Variants in ATP2A3 observed in about 807,000 individuals in gnomAD.
ATP2A3 encodes ATPase sarcoplasmic/endoplasmic reticulum Ca2+ transporting 3.
In ATP2A3, 61 loss-of-function variants were observed where a neutral mutation model predicts 106.8. The ratio of observed to expected loss-of-function variants is 0.57; its 90% confidence interval spans 0.46 to 0.71. The LOEUF is 0.71. Among genes scored for constraint, ATP2A3 ranks in the 30% least tolerant of loss-of-function variants. The pLI, the probability that ATP2A3 is intolerant of heterozygous loss-of-function variation, is 0.00. For missense variants in ATP2A3, 1,201 were observed against 1,423.5 expected, an observed-to-expected ratio of 0.84 and a Z score of 2.52; for synonymous variants, 611 against 609.3, an observed-to-expected ratio of 1.00 and a Z score of -0.04.
intron 1 of ATP2A3, among the ~76,000 whole-genome samples, chr17:3,954,149 C>A (rs1439752590): frequency 6.6e-6 from 1 of 152,108 alleles, no homozygotes; most frequent in East Asian, 1.9e-4. Context: ...TCTCTGCCAC[C>A]CCCACAGCAA....
At position 3,943,540 on chromosome 17, in the gene ATP2A3, G is replaced by T. The variant is rs771590714; in HGVS notation, c.1288-18C>A. On this transcript the variant is annotated intron_variant, in intron 10 of 20. Transcript: ENST00000397041. ...CCCTTGGCCTGGCAAGGACCCAGGG[G>T]ATAGGGAGTGAGGGGCAGGCAGCCT... 3 of 1,613,844 alleles carry T rather than the reference G, an allele frequency of 1.9e-6. No individual in the cohort carries two copies. The Admixed American group carries it at 5.0e-5, about 27-fold the overall frequency.
chr17:3,929,179 G>A lies in ATP2A3; in HGVS notation c.2862+149C>T. ...AGGTCTGGGAGCTCCTGAAGGTGGG[G>A]CCACAGCTGGAGGTGGTGGCTGGCC... On this transcript the variant is annotated intron_variant, in intron 19 of 20. Transcript: ENST00000397041. The surrounding 1 kb of genome is among the most constrained non-coding windows in gnomAD (Gnocchi z 4.3). The A allele has an allele frequency of 2.8e-6, 2 of 722,074 alleles. No individual in the cohort carries two copies. Among genetic ancestry groups the A allele is most frequent in the Non-Finnish European group, 4.5e-6 (2 of 441,286 alleles). The allele number at this position is 722,074 out of a possible 1,614,324, so 44.7% of individuals were successfully genotyped here. A position where few individuals can be genotyped will look rare whatever the true frequency, so the allele number is the denominator to read the frequency against.
chr17:3,964,059 T>C lies in ATP2A3; in HGVS notation c.118+115A>G, dbSNP rs1373353183. 13 of 494,860 alleles carry C rather than the reference T, an allele frequency of 2.6e-5. No individual in the cohort carries two copies. The South Asian group carries it at 3.5e-4, about 13-fold the overall frequency. The allele number at this position is 494,860 out of a possible 1,614,324, so 30.7% of individuals were successfully genotyped here. On this transcript the variant is annotated intron_variant, in intron 1 of 20. Transcript: ENST00000397041. ...GTGCCCCAGGAGCATCCGAAGAGGT[T>C]TCCGGAGCCCTCGCTTCCTGCCCGC...
rs1056141853 is a variant in ATP2A3, at chr17:3,945,287, G to A, written c.1096-139C>T. ...CGGCCTGGCCGTCCGTGCCCACCAGGAGGGAAATAGAACGCAGGGTCCAGG... is the reference window on the plus strand; with the variant it reads ...CGGCCTGGCCGTCCGTGCCCACCAGAAGGGAAATAGAACGCAGGGTCCAGG... On this transcript the variant is annotated intron_variant, in intron 8 of 20. Transcript: ENST00000397041. 5.7e-6 allele frequency: 4 copies of A among 697,478 alleles called. No individual in the cohort carries two copies. The Admixed American group carries it at 1.1e-4, about 20-fold the overall frequency. 43.2% of individuals were successfully genotyped at this position (697,478 alleles called of 1,614,324 possible). A position where few individuals can be genotyped will look rare whatever the true frequency, so the allele number is the denominator to read the frequency against.
chr17:3,938,383 G>C (rs8078227), intron 14 of ATP2A3, among the ~76,000 whole-genome samples: 1 of 151,296 alleles, frequency 6.6e-6, no homozygotes, highest in Non-Finnish European at 1.5e-5. Context: ...GCAGTGAGCC[G>C]AGACTGCACT....
At chr17:3,940,026 C>T (rs1441893640) in intron 14 of ATP2A3, among the ~76,000 whole-genome samples, 1 of 130,026 alleles carries the variant, frequency 7.7e-6, no homozygotes, top group Non-Finnish European at 1.5e-5. Context: ...GGTAATGTGT[C>T]ATATCTTTTT....
chr17:3,952,111 G>A (rs1353665734), intron 3 of ATP2A3, among the ~76,000 whole-genome samples: 1 of 152,230 alleles, frequency 6.6e-6, no homozygotes, highest in African/African-American at 2.4e-5. Flanking sequence ...TTGAGACAGA[G>A]TCTTGCTCTG....
At chr17:3,951,725 G>A (rs201359656) in intron 3 of ATP2A3, 40 bp from the exon 4 acceptor site, 4 of 1,552,392 alleles carry the variant, frequency 2.6e-6, no homozygotes, top group African/African-American at 2.7e-5. Context: ...CCTGCTGCGG[G>A]CCGAGATCTG....
In ATP2A3 at chr17:3,928,278, C is replaced by T; in HGVS notation, c.2980+385G>A. The T allele has an allele frequency of 6.2e-7, 1 of 1,613,390 alleles. No individual in the cohort carries two copies. The highest frequency in any genetic ancestry group is 8.5e-7 in the Non-Finnish European group (1 of 1,180,040). On this transcript the variant is annotated intron_variant, in intron 20 of 20. Transcript: ENST00000397041. The surrounding 1 kb of genome is among the most constrained non-coding windows in gnomAD (Gnocchi z 6.1). The stretch of plus-strand genomic sequence containing the variant: ...GGGTCCAAGAGGTGGTCAGCGGCTG[C>T]CTACTCCAGGCCTGCGAGACTGTCC...
At position 3,929,841 on chromosome 17, in the gene ATP2A3, C is replaced by A. The variant is rs1398342020; in HGVS notation, c.2745-396G>T. 6.6e-6 allele frequency among the ~76,000 whole-genome samples: 1 copy of A among 151,376 alleles called. No individual in the cohort carries two copies. Among genetic ancestry groups the A allele is most frequent in the East Asian group, 1.9e-4 (1 of 5,184 alleles). Reference sequence around the variant, plus strand: ...CTTTGTTCTGGACCCCTCTAACTCCCAGACCTCAGTCCTGGACTCCCCTGA... The same window carrying A: ...CTTTGTTCTGGACCCCTCTAACTCCAAGACCTCAGTCCTGGACTCCCCTGA... On this transcript the variant is annotated intron_variant, in intron 18 of 20. Transcript: ENST00000397041. The surrounding 1 kb of genome is among the most constrained non-coding windows in gnomAD (Gnocchi z 4.3).
In ATP2A3 at chr17:3,954,328, C is replaced by T. The variant is rs546379380; in HGVS notation, c.119-618G>A. 2.2e-3 allele frequency among the ~76,000 whole-genome samples: 331 copies of T among 152,124 alleles called. 2 individuals carry two copies. Among genetic ancestry groups the T allele is most frequent in the Non-Finnish European group, 3.6e-3 (247 of 67,972 alleles). On this transcript the variant is annotated intron_variant, in intron 1 of 20. Transcript: ENST00000397041. ...CTGGACAGGACCCCAGCAGCCAGCA[C>T]CCCGCAGTGAGGATCCCTCCCATGG...
chr17:3,930,719 G>T lies in ATP2A3; in HGVS notation c.2611-285C>A. On this transcript the variant is annotated intron_variant, in intron 17 of 20. Transcript: ENST00000397041. The surrounding 1 kb of genome is among the most constrained non-coding windows in gnomAD (Gnocchi z 5.4). ...GGAGAACAGCTGGCATTAGCCTGGGGAGGCTAGCGGGAGCCTGGAGATCAC... is the reference window on the plus strand; with the variant it reads ...GGAGAACAGCTGGCATTAGCCTGGGTAGGCTAGCGGGAGCCTGGAGATCAC... 1 of 532,358 alleles carries T rather than the reference G, an allele frequency of 1.9e-6. No homozygotes were observed. The highest frequency in any genetic ancestry group is 1.9e-5 in the African/African-American group (1 of 52,378). 33.0% of individuals were successfully genotyped at this position (532,358 alleles called of 1,614,324 possible).
intron 15 of ATP2A3, chr17:3,937,140 C>T (rs1347271564): frequency 3.9e-6 from 2 of 519,362 alleles, no homozygotes; most frequent in African/African-American, 1.9e-5. Flanking sequence ...TGCTAATCTG[C>T]AAGTGGGAAG....
chr17:3,951,734 T>C (rs1171695102), intron 3 of ATP2A3, 49 bp from the exon 4 acceptor site: 1 of 1,536,950 alleles, frequency 6.5e-7, no homozygotes. Context: ...GGCCGAGATC[T>C]GCTCTCCTTT....
In ATP2A3 at chr17:3,958,793, CATATATATACACACAT is replaced by C. The variant is rs1353929349; in HGVS notation, c.119-5099_119-5084del. Among the ~76,000 whole-genome samples, 88 of 142,308 alleles carry C rather than the reference CATATATATACACACAT, an allele frequency of 6.2e-4. 6 individuals are homozygous for C. The highest frequency in any genetic ancestry group is 9.5e-4 in the Non-Finnish European group (63 of 66,660). The allele number at this position is 142,308 out of a possible 152,430, so 93.4% of individuals were successfully genotyped here. A position where few individuals can be genotyped will look rare whatever the true frequency, so the allele number is the denominator to read the frequency against. On this transcript the variant is annotated intron_variant, in intron 1 of 20. Coordinates refer to ENST00000397041, the MANE Select transcript of ATP2A3 (RefSeq NM_005173.4). ...ATATATACACACACATATATATACA[CATATATATACACACAT>C]ATATATATACACACATATATATACA...
chr17:3,944,819 G>A lies in ATP2A3; in HGVS notation c.1185-13C>T. On this transcript the variant is annotated splice_polypyrimidine_tract_variant and intron_variant, in intron 9 of 20. Transcript: ENST00000397041. ...ATCCCCCTGCCGCCTGCGGAGCCGG[G>A]GCGGTCACCAGGAGGACCTCGGCTC... is the stretch of plus-strand genomic sequence containing the variant. The A allele has an allele frequency of 6.2e-7, 1 of 1,602,376 alleles. No homozygotes were observed. The highest frequency in any genetic ancestry group is 8.5e-7 in the Non-Finnish European group (1 of 1,174,550).
Position 3,928,786 on chromosome 17 carries a change from G to A in ATP2A3, c.2863-6C>T, listed in dbSNP as rs778020256. 2.2e-5 allele frequency: 34 copies of A among 1,552,596 alleles called. No homozygotes were observed. Among genetic ancestry groups the A allele is most frequent in the South Asian group, 5.9e-5 (5 of 84,262 alleles). ...GGGGTCACCTGGAAAATGAGCTGGC[G>A]GGGAGGGGAAGGGAGGTTTGGTTAA... On this transcript the variant is annotated splice_region_variant and splice_polypyrimidine_tract_variant and intron_variant, in intron 19 of 20. Transcript: ENST00000397041. This position sits in a 1 kb window ranked among gnomAD's most constrained non-coding sequence, Gnocchi z 6.1.
At chr17:3,935,369 G>T in intron 16 of ATP2A3, 92 bp from the exon 17 acceptor site, 2 of 1,252,022 alleles carry the variant, frequency 1.6e-6, no homozygotes, top group South Asian at 1.2e-5. Flanking sequence ...ATTCCCTGCA[G>T]GGAGCCACCC....
chr17:3,953,389 G>A lies in ATP2A3; in HGVS notation c.177C>T (p.Asp59=). The part of the protein sequence containing the change: ...LWELVLEQFE[D]LLVRILLLAA... ...CCAGCAGCAGGATGCGCACCAGGAG[G>A]TCCTCAAACTGTTCCAGCACCAGCT... The change falls in exon 3 of 21, where the codon GAC becomes GAT. Residue 59 remains aspartate, a synonymous_variant. Coordinates refer to ENST00000397041, the MANE Select transcript of ATP2A3 (RefSeq NM_005173.4). The surrounding 1 kb of genome is among the most constrained non-coding windows in gnomAD (Gnocchi z 5.1). 1 of 1,614,038 alleles carries A rather than the reference G, an allele frequency of 6.2e-7. No individual in the cohort carries two copies. Among genetic ancestry groups the A allele is most frequent in the South Asian group, 1.1e-5 (1 of 91,086 alleles).
Sources: allele counts gnomAD v4.1 joint callset (sites outside exome capture counted in the v4.1 genomes callset), GRCh38; gene constraint gnomAD v4.1.1; non-coding constraint Gnocchi (gnomAD v3.1); transcripts MANE v1.5; gene names NCBI Gene and HGNC (gene_info 2026-07-23, HGNC 2026-07-21).